GOLGB1: variants seen among roughly 807,000 people sequenced by gnomAD.
GOLGB1 encodes the protein golgin subfamily B member 1.
In GOLGB1, 174 loss-of-function variants were observed where a neutral mutation model predicts 336.9. The ratio of observed to expected loss-of-function variants is 0.52; its 90% CI spans 0.46 to 0.59. GOLGB1 has a LOEUF of 0.59. Among genes scored for constraint, GOLGB1 ranks in the 20% least tolerant of loss-of-function variants. GOLGB1 has a pLI of 0.00. For missense variants in GOLGB1, 3,331 were observed against 3,645.3 expected, an observed-to-expected ratio of 0.91 and a Z score of 2.22; for synonymous variants, 1,208 against 1,289.2, an observed-to-expected ratio of 0.94 and a Z score of 1.35.
rs746175109 is a variant in GOLGB1 at position 121,694,342 on chromosome 3, A to C, written c.6181T>G (p.Leu2061Val). ...EFVQTESQKD[L>V]EITKENLAQA... Reference sequence around the variant, plus strand: ...GCCAGATTTTCTTTGGTTATTTCCAAATCTTTTTGAGATTCAGTTTGAACA... The same window carrying C: ...GCCAGATTTTCTTTGGTTATTTCCACATCTTTTTGAGATTCAGTTTGAACA... Residue 2061 changes from leucine (L) to valine (V), a missense_variant, in exon 13 of 22, where the codon TTG (leucine) becomes GTG (valine). Leu to Val is a conservative substitution (Grantham distance 32). Coordinates refer to ENST00000614479, the MANE Select transcript of GOLGB1 (RefSeq NM_001366282.2). The C allele has an allele frequency of 2.5e-6, 4 of 1,612,094 alleles. 1 individual carries two copies. In the South Asian group the frequency reaches 3.3e-5, roughly 13 times the overall value.
intron 14 of GOLGB1, among the ~76,000 whole-genome samples, chr3:121,682,336 C>T (rs2107675312): frequency 6.6e-6 from 1 of 152,272 alleles, no homozygotes; most frequent in African/African-American, 2.4e-5. Context: ...TGGTTAAGGA[C>T]ACTTAGGCTC....
At chr3:121,736,753 A>T (rs9824760) in intron 1 of GOLGB1, among the ~76,000 whole-genome samples, 34,671 of 151,898 alleles carry the variant, frequency 0.23, 4,263 homozygotes, top group East Asian at 0.46. Flanking sequence ...AAAATACAAA[A>T]ATTAGCCGGG....
chr3:121,747,605 T>C (rs192223504), intron 1 of GOLGB1, among the ~76,000 whole-genome samples: 2 of 151,760 alleles, frequency 1.3e-5, no homozygotes, highest in African/African-American at 4.8e-5. Flanking sequence ...ATATTGAAAG[T>C]GCCTAATATA....
In GOLGB1 at chr3:121,728,079, T is replaced by A. The variant is rs149945930; in HGVS notation, c.403-1038A>T. Among the ~76,000 whole-genome samples the A allele has an allele frequency of 1.3e-4, 20 of 152,000 alleles. No homozygotes were observed. The East Asian group carries it at 2.3e-3, about 18-fold the overall frequency. On this transcript the variant is annotated intron_variant, in intron 4 of 21. Coordinates refer to ENST00000614479, the MANE Select transcript of GOLGB1 (RefSeq NM_001366282.2). ...AGAAGCTGGAGGGAACAAAGCAATA[T>A]GAGGAGAGAGGTTGGTGCTACCACA...
Position 121,722,266 on chromosome 3 carries a change from G to A in GOLGB1, c.644C>T (p.Ala215Val), listed in dbSNP as rs1945251854. 1.3e-6 allele frequency: 2 copies of A among 1,581,354 alleles called. No individual in the cohort carries two copies. Among genetic ancestry groups the A allele is most frequent in the African/African-American group, 1.3e-5 (1 of 74,410 alleles). The stretch of plus-strand genomic sequence containing the variant: ...CTAATTTTGTGAGGTCCCTACCTGT[G>A]CAGCTTGCTCTGCCTGTGTCTGGCT... ...QLSQTQAEQA[A>V]QLSSMQQVVR... The change falls in exon 6 of 22, where the codon GCA (alanine) becomes GTA (valine). Residue 215 changes from alanine (A) to valine (V), a missense_variant. Coordinates refer to ENST00000614479, the MANE Select transcript of GOLGB1 (RefSeq NM_001366282.2).
At chr3:121,680,137 C>A (rs1310116684) in intron 15 of GOLGB1, among the ~76,000 whole-genome samples, 1 of 152,210 alleles carries the variant, frequency 6.6e-6, no homozygotes, top group Non-Finnish European at 1.5e-5. Context: ...CAGGGCATCC[C>A]TTCCTTTTAG....
intron 14 of GOLGB1, among the ~76,000 whole-genome samples, chr3:121,684,569 C>T (rs1205530083): frequency 2.6e-5 from 4 of 151,968 alleles, no homozygotes; most frequent in Non-Finnish European, 4.4e-5. Flanking sequence ...AGAAACAGAT[C>T]ACATACAAAG....
At chr3:121,715,948 T>G (rs1187308309) in intron 9 of GOLGB1, among the ~76,000 whole-genome samples, 1 of 150,432 alleles carries the variant, frequency 6.6e-6, no homozygotes, top group African/African-American at 2.5e-5. Context: ...GCCGAGATCA[T>G]GCCATTGCAC....
In GOLGB1 at chr3:121,676,873, G is replaced by C. The variant is rs769909485; in HGVS notation, c.9177+20C>G. 1.0e-4 allele frequency: 168 copies of C among 1,609,658 alleles called. No homozygotes were observed. Among genetic ancestry groups the C allele is most frequent in the Non-Finnish European group, 1.4e-4 (168 of 1,176,220 alleles). On this transcript the variant is annotated intron_variant, in intron 17 of 21. Coordinates refer to ENST00000614479, the MANE Select transcript of GOLGB1 (RefSeq NM_001366282.2). ...CATGGAAAAAAGAAACTGAATTCCA[G>C]TCTAACAAGAAACACTTACGTTGCT... is the stretch of plus-strand genomic sequence containing the variant.
chr3:121,698,621 C>T lies in GOLGB1; in HGVS notation c.1902G>A (p.Glu634=), dbSNP rs1943148843. 6.2e-7 allele frequency: 1 copy of T among 1,613,568 alleles called. No homozygotes were observed. Among genetic ancestry groups the T allele is most frequent in the Non-Finnish European group, 8.5e-7 (1 of 1,179,678 alleles). The change falls in exon 13 of 22, where the codon GAG becomes GAA. Residue 634 remains glutamate (E), a synonymous_variant. Transcript: ENST00000614479. ...CTTTTTCAACTGCTGGAAGACTGCT[C>T]TCTTCATTTGGCATTAAGGGAAAAT... ...GQDFPLMPNE[E]SSLPAVEKEQ...
rs532243266 is a variant in GOLGB1 at position 121,745,536 on chromosome 3, G to GTA, written c.-3+4094_-3+4095dup. On this transcript the variant is annotated intron_variant, in intron 1 of 21. Transcript: ENST00000614479. Reference sequence around the variant, plus strand: ...TATATATACATATGTATACGTGTATGTATATATATACATATGTATACGTGT... The same window carrying GTA: ...TATATATACATATGTATACGTGTATGTATATATATATACATATGTATACGTGT... Among the ~76,000 whole-genome samples the GTA allele has an allele frequency of 1.3e-4, 20 of 148,646 alleles. No individual in the cohort carries two copies. The East Asian group carries it at 2.6e-3, about 19-fold the overall frequency.
At chr3:121,710,117 A>T (rs1944223895) in intron 10 of GOLGB1, among the ~76,000 whole-genome samples, 1 of 151,774 alleles carries the variant, frequency 6.6e-6, no homozygotes, top group Admixed American at 6.6e-5. Context: ...AAAAAAAAAA[A>T]ATCTTATTAT....
At chr3:121,683,889 G>C (rs963754170) in intron 14 of GOLGB1, among the ~76,000 whole-genome samples, 4 of 152,010 alleles carry the variant, frequency 2.6e-5, no homozygotes, top group Non-Finnish European at 4.4e-5. Flanking sequence ...CAGCACTTTG[G>C]GGGGCCGAGG....
chr3:121,672,117 C>A (rs989732487), intron 17 of GOLGB1, among the ~76,000 whole-genome samples: 4 of 152,116 alleles, frequency 2.6e-5, no homozygotes, highest in African/African-American at 9.7e-5. Flanking sequence ...GTACAGATGT[C>A]TTTTTGATAT....
intron 10 of GOLGB1, among the ~76,000 whole-genome samples, chr3:121,706,532 C>T (rs1214853520): frequency 1.3e-5 from 2 of 151,418 alleles, no homozygotes; most frequent in South Asian, 2.1e-4. Flanking sequence ...GACAAGAGTT[C>T]GAGACTAGCC....
chr3:121,674,017 G>C (rs1049739569), intron 17 of GOLGB1, among the ~76,000 whole-genome samples: 1 of 152,210 alleles, frequency 6.6e-6, no homozygotes, highest in Non-Finnish European at 1.5e-5. Context: ...CACCATGGCT[G>C]ACTGGGATTG....
intron 8 of GOLGB1, 71 bp downstream of exon 8, chr3:121,718,317 T>A: frequency 3.3e-6 from 3 of 909,300 alleles, no homozygotes; most frequent in Non-Finnish European, 5.3e-6. Flanking sequence ...GGCTTTTATA[T>A]CTACTGCCTG....
At position 121,726,764 on chromosome 3, in the gene GOLGB1, A is replaced by G. The variant is rs556111688; in HGVS notation, c.531+149T>C. On this transcript the variant is annotated intron_variant, in intron 5 of 21. Coordinates refer to ENST00000614479, the MANE Select transcript of GOLGB1 (RefSeq NM_001366282.2). ...CAATGCATATTCTAATAAAATTACC[A>G]GACAAGAAGAAATGAAGAAAAGAAG... 52 of 454,828 alleles carry G rather than the reference A, an allele frequency of 1.1e-4. No homozygotes were observed. In the Middle Eastern group the frequency reaches 4.4e-3, roughly 39 times the overall value. The allele number at this position is 454,828 out of a possible 1,614,324, so 28.2% of individuals were successfully genotyped here.
At chr3:121,729,786 G>T in intron 3 of GOLGB1, 79 bp downstream of exon 3, 2 of 1,039,808 alleles carry the variant, frequency 1.9e-6, no homozygotes, top group Non-Finnish European at 2.9e-6. Context: ...TAATCTAAGT[G>T]GAGACAAAAA....
Sources: gnomAD v4.1 joint callset for allele counts (sites outside exome capture counted in the v4.1 genomes callset) on GRCh38, gnomAD v4.1.1 for gene constraint, MANE v1.5 for transcripts, NCBI Gene and HGNC (gene_info 2026-07-23, HGNC 2026-07-21) for gene names.